Variants in A3GALT2 observed in about 807,000 individuals in gnomAD.
A3GALT2 encodes the protein alpha 1,3-galactosyltransferase 2, also known as alpha-1,3-galactosyltransferase 2.
In A3GALT2, 14 loss-of-function variants were observed where a neutral mutation model predicts 16.6. That is an observed-to-expected ratio of 0.84 (90% CI 0.56 to 1.32). A3GALT2 has a LOEUF of 1.32. Ranked by LOEUF, A3GALT2 falls within the 40% of genes most tolerant of loss-of-function variation. A3GALT2 has a pLI of 0.00. For missense variants in A3GALT2, 600 were observed against 490.9 expected, an observed-to-expected ratio of 1.22 and a Z score of -2.10; for synonymous variants, 253 against 218.0, an observed-to-expected ratio of 1.16 and a Z score of -1.42.
intron 4 of A3GALT2, among the ~76,000 whole-genome samples, chr1:33,309,185 A>T (rs2148157326): frequency 6.6e-6 from 1 of 152,348 alleles, no homozygotes; most frequent in South Asian, 2.1e-4. Context: ...CAGACACAGT[A>T]ACAATCTGAT....
At position 33,307,478 on chromosome 1, in the gene A3GALT2, C is replaced by T. The variant is rs371046006; in HGVS notation, c.336-25G>A. On this transcript the variant is annotated intron_variant, in intron 4 of 4. Transcript: ENST00000442999. ...TCTAAGGGCGCGGCGCCACCGTCAG[C>T]CTGAGAGTGAAGCGAGGCGGGCCCG... 123 of 1,454,010 alleles carry T rather than the reference C, an allele frequency of 8.5e-5. No individual in the cohort carries two copies. In the African/African-American group the frequency reaches 1.4e-3, roughly 17 times the overall value. 90.1% of individuals were successfully genotyped at this position (1,454,010 alleles called of 1,614,324 possible). A position where few individuals can be genotyped will look rare whatever the true frequency, so the allele number is the denominator to read the frequency against.
chr1:33,312,989 C>T (rs980868429), intron 1 of A3GALT2, 99 bp from the exon 2 acceptor site: 6 of 1,006,152 alleles, frequency 6.0e-6, no homozygotes, highest in Admixed American at 2.0e-5. Context: ...TTCCAGCCAG[C>T]TGGTTCTTCT....
At chr1:33,318,526 C>G (rs1646271306) in intron 1 of A3GALT2, among the ~76,000 whole-genome samples, 1 of 152,144 alleles carries the variant, frequency 6.6e-6, no homozygotes, top group Non-Finnish European at 1.5e-5. Flanking sequence ...CCCCTCCTGG[C>G]CTCCCTCACT....
chr1:33,315,072 C>T (rs1646255262), intron 1 of A3GALT2, among the ~76,000 whole-genome samples: 1 of 151,966 alleles, frequency 6.6e-6, no homozygotes, highest in Non-Finnish European at 1.5e-5. Flanking sequence ...CGGAGCAAGA[C>T]CCTGCCTCTG....
chr1:33,312,225 C>CA (rs1251824412), intron 3 of A3GALT2, 36 bp from the exon 4 acceptor site: 2 of 1,609,802 alleles, frequency 1.2e-6, no homozygotes, highest in African/African-American at 2.7e-5. Flanking sequence ...GAAATAGCTC[C>CA]ATTCATCCAC....
chr1:33,307,453 T>G lies in A3GALT2; in HGVS notation c.336A>C (p.Arg112Ser). 1 of 1,497,304 alleles carries G rather than the reference T, an allele frequency of 6.7e-7. No homozygotes were observed. The highest frequency in any genetic ancestry group is 8.8e-7 in the Non-Finnish European group (1 of 1,134,786). 92.8% of individuals were successfully genotyped at this position (1,497,304 alleles called of 1,614,324 possible). A position where few individuals can be genotyped will look rare whatever the true frequency, so the allele number is the denominator to read the frequency against. The change falls in exon 5 of 5, where the codon AGA (arginine) becomes AGC (serine). Residue 112 changes from arginine to serine, a missense_variant and splice_region_variant. Physicochemically the swap from Arg to Ser is moderately radical, Grantham distance 110. Transcript: ENST00000442999. ...TIGLTIFAVG[R>S]YLEKYLERFL... ...AGCGCTCCAGGTACTTCTCCAGGTA[T>G]CTAAGGGCGCGGCGCCACCGTCAGC... is the stretch of plus-strand genomic sequence containing the variant.
At position 33,320,960 on chromosome 1, in the gene A3GALT2, A is replaced by G. The variant is rs1646283339; in HGVS notation, c.23+116T>C. The G allele has an allele frequency of 7.5e-7, 1 of 1,325,752 alleles. No individual in the cohort carries two copies. Among genetic ancestry groups the G allele is most frequent in the African/African-American group, 1.5e-5 (1 of 68,616 alleles). The allele number at this position is 1,325,752 out of a possible 1,614,324, so 82.1% of individuals were successfully genotyped here. ...CCCCAGGACTGGAGGCTCAGCTGGT[A>G]CTCCTGGGCTCACTCTGGTGCCTCC... On this transcript the variant is annotated intron_variant, in intron 1 of 4. Coordinates refer to ENST00000442999, the MANE Select transcript of A3GALT2 (RefSeq NM_001080438.1). The surrounding 1 kb of genome is among the most constrained non-coding windows in gnomAD (Gnocchi z 4.3).
chr1:33,312,826 A>G lies in A3GALT2; in HGVS notation c.88T>C (p.Tyr30His). Residue 30 changes from tyrosine to histidine, a missense_variant, in exon 2 of 5, where the codon TAT becomes CAT. Coordinates refer to ENST00000442999, the MANE Select transcript of A3GALT2 (RefSeq NM_001080438.1). ...TTTTACCTGAATTTAGGGAGGCCAT[A>G]CAGAAACAGGCCTAAGAGGCCAAGT... ...LTLGLLGLFL[Y>H]GLPKFRHLEA... is the part of the protein sequence containing the mutation. 1.2e-6 allele frequency: 2 copies of G among 1,603,338 alleles called. No homozygotes were observed. Among genetic ancestry groups the G allele is most frequent in the Non-Finnish European group, 1.7e-6 (2 of 1,175,008 alleles).
chr1:33,312,574 T>C lies in A3GALT2; in HGVS notation c.124A>G (p.Ile42Val). 6.3e-7 allele frequency: 1 copy of C among 1,594,548 alleles called. No homozygotes were observed. The highest frequency in any genetic ancestry group is 1.1e-5 in the South Asian group (1 of 89,018). ...LPKFRHLEAL[I>V]PMGVCPSATM... is the part of the protein sequence containing the mutation. ...GCCGAAGGGCAGACGCCCATGGGGA[T>C]GAGGGCTTCCAGATGCCTGTGGTGG... Residue 42 changes from isoleucine to valine, a missense_variant, in exon 3 of 5, where the codon ATC becomes GTC. By Grantham distance (29) the Ile-to-Val change is conservative (BLOSUM62 3). Coordinates refer to ENST00000442999, the MANE Select transcript of A3GALT2 (RefSeq NM_001080438.1).
chr1:33,317,619 A>C (rs569308759), intron 1 of A3GALT2, among the ~76,000 whole-genome samples: 1 of 152,202 alleles, frequency 6.6e-6, no homozygotes, highest in Non-Finnish European at 1.5e-5. Context: ...CTCTGCAGTG[A>C]CTAGTCCCAG....
chr1:33,307,446 C>T lies in A3GALT2; in HGVS notation c.343G>A (p.Glu115Lys). ...LTIFAVGRYL[E>K]KYLERFLETA... The stretch of plus-strand genomic sequence containing the variant: ...TCCAGGAAGCGCTCCAGGTACTTCT[C>T]CAGGTATCTAAGGGCGCGGCGCCAC... The change falls in exon 5 of 5, where the codon GAG (glutamate) becomes AAG (lysine). Residue 115 changes from glutamate to lysine, a missense_variant. By Grantham distance (56) the Glu-to-Lys change is moderately conservative (BLOSUM62 1). Coordinates refer to ENST00000442999, the MANE Select transcript of A3GALT2 (RefSeq NM_001080438.1). The T allele has an allele frequency of 2.6e-6, 4 of 1,510,828 alleles. No homozygotes were observed. Among genetic ancestry groups the T allele is most frequent in the East Asian group, 2.7e-5 (1 of 37,490 alleles). 93.6% of individuals were successfully genotyped at this position (1,510,828 alleles called of 1,614,324 possible).
chr1:33,318,754 C>T (rs1646272052), intron 1 of A3GALT2, among the ~76,000 whole-genome samples: 2 of 152,194 alleles, frequency 1.3e-5, no homozygotes, highest in African/African-American at 2.4e-5. Context: ...TTGACATCTC[C>T]TCCGTTAGGT....
At position 33,312,055 on chromosome 1, in the gene A3GALT2, C is replaced by T. The variant is rs1450523488; in HGVS notation, c.332G>A (p.Gly111Asp). The stretch of plus-strand genomic sequence containing the variant: ...TGCTCCCCTTCCCAGGCCTTACCTG[C>T]CTACAGCAAAGATAGTCAGCCCAAT... ...LTIGLTIFAV[G>D]RYLEKYLERF... Residue 111 changes from glycine (G) to aspartate (D), a missense_variant, in exon 4 of 5, where the codon GGC becomes GAC. By Grantham distance (94) the Gly-to-Asp change is moderately conservative. Transcript: ENST00000442999. 3 of 1,613,582 alleles carry T rather than the reference C, an allele frequency of 1.9e-6. No individual in the cohort carries two copies. Among genetic ancestry groups the T allele is most frequent in the Admixed American group, 1.7e-5 (1 of 59,988 alleles).
chr1:33,307,436 A>G lies in A3GALT2; in HGVS notation c.353T>C (p.Leu118Pro). The G allele has an allele frequency of 1.3e-6, 2 of 1,528,244 alleles. No homozygotes were observed. Among genetic ancestry groups the G allele is most frequent in the South Asian group, 1.2e-5 (1 of 84,734 alleles). 94.7% of individuals were successfully genotyped at this position (1,528,244 alleles called of 1,614,324 possible). A position where few individuals can be genotyped will look rare whatever the true frequency, so the allele number is the denominator to read the frequency against. ...FAVGRYLEKY[L>P]ERFLETAEQH... The stretch of plus-strand genomic sequence containing the variant: ...CTCCGCCGTCTCCAGGAAGCGCTCC[A>G]GGTACTTCTCCAGGTATCTAAGGGC... The change falls in exon 5 of 5, where the codon CTG (leucine) becomes CCG (proline). Residue 118 changes from leucine (L) to proline (P), a missense_variant. Coordinates refer to ENST00000442999, the MANE Select transcript of A3GALT2 (RefSeq NM_001080438.1).
intron 1 of A3GALT2, chr1:33,314,897 GAT>G: frequency 6.6e-6 from 1 of 152,230 alleles, no homozygotes; most frequent in East Asian, 1.9e-4. Flanking sequence ...GGCAATCAAA[GAT>G]ATACAAATTA....
intron 1 of A3GALT2, among the ~76,000 whole-genome samples, chr1:33,319,933 A>G (rs979583829): frequency 1.3e-5 from 2 of 151,948 alleles, no homozygotes; most frequent in Non-Finnish European, 2.9e-5. Context: ...TTTACACTTT[A>G]CACCAAGGCA....
Position 33,320,977 on chromosome 1 carries a change from G to A in A3GALT2, c.23+99C>T, listed in dbSNP as rs1331962733. ...CAGCTGGTACTCCTGGGCTCACTCT[G>A]GTGCCTCCCCTTGGTACTGTTTTAG... is the stretch of plus-strand genomic sequence containing the variant. On this transcript the variant is annotated intron_variant, in intron 1 of 4. Transcript: ENST00000442999. The surrounding 1 kb of genome is among the most constrained non-coding windows in gnomAD (Gnocchi z 4.3). 6.7e-7 allele frequency: 1 copy of A among 1,502,922 alleles called. No homozygotes were observed. Among genetic ancestry groups the A allele is most frequent in the African/African-American group, 1.4e-5 (1 of 72,646 alleles). 93.1% of individuals were successfully genotyped at this position (1,502,922 alleles called of 1,614,324 possible).
chr1:33,308,132 C>A (rs1646207345), intron 4 of A3GALT2, among the ~76,000 whole-genome samples: 1 of 137,752 alleles, frequency 7.3e-6, no homozygotes, highest in Admixed American at 7.6e-5. Context: ...CATCTTTCAA[C>A]TTAGATGGGG....
At chr1:33,312,287 C>A in intron 3 of A3GALT2, 98 bp from the exon 4 acceptor site, 1 of 1,515,038 alleles carries the variant, frequency 6.6e-7, no homozygotes, top group Non-Finnish European at 8.9e-7. Flanking sequence ...CCTAGGGACC[C>A]ATAGACCGAT....
Sources: gnomAD v4.1 joint callset for allele counts (sites outside exome capture counted in the v4.1 genomes callset) on GRCh38, gnomAD v4.1.1 for gene constraint, Gnocchi (gnomAD v3.1) non-coding constraint, MANE v1.5 for transcripts, NCBI Gene and HGNC (gene_info 2026-07-23, HGNC 2026-07-21) for gene names.